CSMD1: variants seen among roughly 807,000 people sequenced by gnomAD.
CSMD1 encodes CUB and Sushi multiple domains 1.
A neutral mutation model predicts 417.5 loss-of-function variants in CSMD1; 213 were observed. That is an observed-to-expected ratio of 0.51 (90% CI 0.46 to 0.57). The LOEUF (loss-of-function observed/expected upper bound fraction) is 0.57. Among genes scored for constraint, CSMD1 ranks in the 20% least tolerant of loss-of-function variants. The probability of loss-of-function intolerance (pLI) is 0.00; values close to 1 mark genes in which losing one functional copy is unlikely to be tolerated. For missense variants in CSMD1, 6,923 were observed against 4,529.7 expected (o/e 1.53, Z -15.17); for synonymous variants, 2,862 against 1,736.8 (o/e 1.65, Z -16.11).
intron 5 of CSMD1, among the ~76,000 whole-genome samples, chr8:3,796,477 T>C (rs1800153898): frequency 7.5e-6 from 1 of 133,788 alleles, no homozygotes; most frequent in Non-Finnish European, 1.5e-5. Flanking sequence ...TGTATATAGA[T>C]ATCTATCTAT....
At chr8:3,959,297 G>A (rs542050299) in intron 5 of CSMD1, among the ~76,000 whole-genome samples, 63 of 152,264 alleles carry the variant, frequency 4.1e-4, no homozygotes, top group Non-Finnish European at 5.0e-4. Flanking sequence ...AGAAATGTGG[G>A]ATCAGCCTGG....
chr8:3,978,176 C>G (rs568723951), intron 5 of CSMD1, among the ~76,000 whole-genome samples: 1 of 152,186 alleles, frequency 6.6e-6, no homozygotes, highest in Non-Finnish European at 1.5e-5. Flanking sequence ...AACAGCCTGT[C>G]TGCAGGACTC....
At chr8:3,906,564 T>G (rs1344768673) in intron 5 of CSMD1, among the ~76,000 whole-genome samples, 1 of 150,866 alleles carries the variant, frequency 6.6e-6, no homozygotes, top group Admixed American at 6.6e-5. Context: ...AAATATAAGC[T>G]GTACCATGAG....
intron 8 of CSMD1, among the ~76,000 whole-genome samples, chr8:3,593,905 GC>G (rs1200209159): frequency 6.6e-6 from 1 of 151,866 alleles, no homozygotes; most frequent in East Asian, 1.9e-4. Context: ...TTAAAACACT[GC>G]TTTTTCCCAA....
At position 3,230,873 on chromosome 8, in the gene CSMD1, G is replaced by A. The variant is rs558879711; in HGVS notation, c.4154-642C>T. 2.6e-5 allele frequency among the ~76,000 whole-genome samples: 4 copies of A among 152,138 alleles called. No individual in the cohort carries two copies. In the South Asian group the frequency reaches 8.3e-4, roughly 32 times the overall value. On this transcript the variant is annotated intron_variant, in intron 26 of 69. Coordinates refer to ENST00000635120, the MANE Select transcript of CSMD1 (RefSeq NM_033225.6). ...TCTGAAAATAATATCCTGCCTTTCT[G>A]CATATATATAAAGAATCTCAAATCT...
intron 3 of CSMD1, among the ~76,000 whole-genome samples, chr8:4,204,576 G>A (rs1032394621): frequency 6.6e-6 from 1 of 152,162 alleles, no homozygotes. Context: ...CTGAGAGGAA[G>A]ATTCAATCTG....
intron 6 of CSMD1, among the ~76,000 whole-genome samples, chr8:3,743,649 A>G (rs1202472390): frequency 1.3e-5 from 2 of 152,162 alleles, no homozygotes; most frequent in Non-Finnish European, 2.9e-5. Flanking sequence ...TTCCTAAATG[A>G]GGTGATTACA....
intron 3 of CSMD1, among the ~76,000 whole-genome samples, chr8:4,209,876 G>C (rs1048298758): frequency 1.3e-5 from 2 of 152,198 alleles, no homozygotes; most frequent in Non-Finnish European, 2.9e-5. Context: ...CTAGAATGTA[G>C]GTGGTAACTT....
At chr8:4,115,398 G>A (rs926421061) in intron 3 of CSMD1, among the ~76,000 whole-genome samples, 3 of 152,108 alleles carry the variant, frequency 2.0e-5, no homozygotes, top group African/African-American at 7.2e-5. Flanking sequence ...TATGCACTAA[G>A]CCAACATATT....
chr8:4,772,393 G>A (rs185635369), intron 1 of CSMD1, among the ~76,000 whole-genome samples: 1 of 152,240 alleles, frequency 6.6e-6, no homozygotes, highest in Non-Finnish European at 1.5e-5. Flanking sequence ...GAGTGGTTAG[G>A]TTGGGTCCAC....
intron 3 of CSMD1, among the ~76,000 whole-genome samples, chr8:4,237,544 T>TG (rs1006609328): frequency 2.6e-5 from 4 of 151,942 alleles, no homozygotes; most frequent in South Asian, 2.1e-4. Flanking sequence ...CTTTTTTTTT[T>TG]TTGTTTTTGA....
At chr8:3,738,141 G>C (rs1796618123) in intron 6 of CSMD1, among the ~76,000 whole-genome samples, 1 of 152,080 alleles carries the variant, frequency 6.6e-6, no homozygotes, top group Non-Finnish European at 1.5e-5. Flanking sequence ...AATACATTTA[G>C]TAGACATGTG....
At chr8:3,284,927 C>G (rs76837503) in intron 25 of CSMD1, among the ~76,000 whole-genome samples, 3,791 of 152,270 alleles carry the variant, frequency 0.025, 144 homozygotes, top group African/African-American at 0.079. Context: ...GTAACATAAA[C>G]TCCCTTCTTT....
chr8:2,965,815 G>A lies in CSMD1; in HGVS notation c.9240C>T (p.Thr3080=). The change falls in exon 59 of 70, where the codon ACC becomes ACT. Residue 3080 remains threonine (T), a synonymous_variant. Coordinates refer to ENST00000635120, the MANE Select transcript of CSMD1 (RefSeq NM_033225.6). ...TGCTCGGATTCCACCTGCCGTCTTT[G>A]GTACAGCGAATAGTGGCGGATGTGA... ...EAVTSATIRC[T]KDGRWNPSKP... is the part of the protein sequence containing the mutation. 1 of 1,610,656 alleles carries A rather than the reference G, an allele frequency of 6.2e-7. No homozygotes were observed. Among genetic ancestry groups the A allele is most frequent in the Non-Finnish European group, 8.5e-7 (1 of 1,178,476 alleles).
chr8:3,832,750 A>C (rs1802449875), intron 5 of CSMD1, among the ~76,000 whole-genome samples: 1 of 152,164 alleles, frequency 6.6e-6, no homozygotes, highest in African/African-American at 2.4e-5. Flanking sequence ...CTGATAACTA[A>C]AATATGATCA....
chr8:4,832,689 G>C (rs181822418), intron 1 of CSMD1, among the ~76,000 whole-genome samples: 111 of 152,172 alleles, frequency 7.3e-4, no homozygotes, highest in Middle Eastern at 6.8e-3. Flanking sequence ...AAAACTCTCA[G>C]GTAAATGTAA....
At chr8:4,585,374 C>T (rs1217792894) in intron 2 of CSMD1, among the ~76,000 whole-genome samples, 1 of 151,906 alleles carries the variant, frequency 6.6e-6, no homozygotes, top group African/African-American at 2.4e-5. Context: ...GGTTAATACA[C>T]AATTTTTGAA....
At chr8:4,924,003 G>C (rs551153404) in intron 1 of CSMD1, among the ~76,000 whole-genome samples, 21 of 152,248 alleles carry the variant, frequency 1.4e-4, no homozygotes, top group Non-Finnish European at 2.4e-4. Flanking sequence ...TTTTATAATA[G>C]AATTCATTTT....
At chr8:2,974,671 C>T in intron 55 of CSMD1, 47 bp from the exon 56 acceptor site, 1 of 1,426,276 alleles carries the variant, frequency 7.0e-7, no homozygotes, top group Non-Finnish European at 9.4e-7. Context: ...CCAGTTAAAC[C>T]ACTTTGTATT....
Sources: allele counts gnomAD v4.1 joint callset (sites outside exome capture counted in the v4.1 genomes callset), GRCh38; gene constraint gnomAD v4.1.1; transcripts MANE v1.5; gene names NCBI Gene and HGNC (gene_info 2026-07-23, HGNC 2026-07-21).